The following MAPKAPK5 variants were observed in gnomAD, a reference collection of about 807,000 sequenced individuals.
The protein encoded by MAPKAPK5 is MAPK activated protein kinase 5, also known as MAP kinase-activated protein kinase 5.
MAPKAPK5 carries 30 observed loss-of-function variants against 65.1 expected under a neutral mutation model. That is an observed-to-expected ratio of 0.46 (90% CI 0.34 to 0.63). MAPKAPK5 has a LOEUF of 0.63. Ranked by LOEUF, MAPKAPK5 falls within the 20% of genes least tolerant of loss-of-function variation. MAPKAPK5 has a pLI of 0.01. For synonymous variants in MAPKAPK5, 179 were observed against 204.6 expected, an observed-to-expected ratio of 0.87 and a Z score of 1.07; for missense variants, 433 against 581.4, an observed-to-expected ratio of 0.74 and a Z score of 2.63.
chr12:111,857,888 T>TTA (rs2069295596), intron 1 of MAPKAPK5, among the ~76,000 whole-genome samples: 1 of 151,728 alleles, frequency 6.6e-6, no homozygotes, highest in East Asian at 1.9e-4. Flanking sequence ...AGTGTTTTTT[T>TTA]TTGTGTGTGT....
intron 9 of MAPKAPK5, among the ~76,000 whole-genome samples, chr12:111,884,065 C>T (rs1040857675): frequency 3.9e-5 from 6 of 152,200 alleles, no homozygotes; most frequent in Non-Finnish European, 8.8e-5. Context: ...ACCTGGTGTG[C>T]TGTCCTTCTT....
intron 1 of MAPKAPK5, among the ~76,000 whole-genome samples, chr12:111,856,439 T>G (rs1319849749): frequency 6.8e-6 from 1 of 146,206 alleles, no homozygotes; most frequent in Non-Finnish European, 1.5e-5. Context: ...GGAGTCTCAC[T>G]CTGTCTACCC....
chr12:111,901,542 C>T lies in MAPKAPK5; in HGVS notation c.*8481C>T, dbSNP rs1048373511. On this transcript the variant is annotated 3_prime_UTR_variant, in exon 14 of 14. Transcript: ENST00000550735. ...TATTTGATCTGCTTGCTTAAAAAAT[C>T]ACCAGAGGCTGCCCCGGCAGAAGCT... The T allele has an allele frequency of 2.0e-5, 7 of 349,340 alleles. No homozygotes were observed. In the East Asian group the frequency reaches 5.8e-4, roughly 29 times the overall value. 21.6% of individuals were successfully genotyped at this position (349,340 alleles called of 1,614,324 possible).
chr12:111,843,111 CATTTGCTTCCGGATGGTCT>C (rs2068780788), intron 1 of MAPKAPK5: 1 of 398,574 alleles, frequency 2.5e-6, no homozygotes, highest in Admixed American at 4.4e-5. Flanking sequence ...AGGCCGCCAG[CATTTGCTTCCGGATGGTCT>C]ACAGAACTTG....
In MAPKAPK5 at chr12:111,893,105, T is replaced by A. The variant is rs781151173; in HGVS notation, c.*44T>A. ...TTTTTTTAACAATTTGAAAAATTAT[T>A]CTTTAATGTATAAAGTAATTTTATG... On this transcript the variant is annotated 3_prime_UTR_variant, in exon 14 of 14. Coordinates refer to ENST00000550735, the MANE Select transcript of MAPKAPK5 (RefSeq NM_003668.4). 3.3e-5 allele frequency: 44 copies of A among 1,327,778 alleles called. No individual in the cohort carries two copies. The Middle Eastern group carries it at 5.5e-4, about 17-fold the overall frequency. 82.2% of individuals were successfully genotyped at this position (1,327,778 alleles called of 1,614,324 possible). A position where few individuals can be genotyped will look rare whatever the true frequency, so the allele number is the denominator to read the frequency against.
At chr12:111,850,023 T>G (rs2136069925) in intron 1 of MAPKAPK5, among the ~76,000 whole-genome samples, 1 of 147,638 alleles carries the variant, frequency 6.8e-6, no homozygotes, top group Non-Finnish European at 1.5e-5. Flanking sequence ...CACGACTGGT[T>G]GTGAAATATC....
chr12:111,862,187 C>A (rs2069462596), intron 1 of MAPKAPK5, among the ~76,000 whole-genome samples: 1 of 152,070 alleles, frequency 6.6e-6, no homozygotes, highest in African/African-American at 2.4e-5. Context: ...CTCAGTGAAG[C>A]CTTAGCTGGC....
In MAPKAPK5 at chr12:111,858,732, G is replaced by A. The variant is rs931187555; in HGVS notation, c.37-6518G>A. Among the ~76,000 whole-genome samples the A allele has an allele frequency of 7.5e-5, 11 of 146,124 alleles. 1 individual carries two copies. Among genetic ancestry groups the A allele is most frequent in the South Asian group, 6.8e-4 (3 of 4,398 alleles). ...TAATTTTTGTATTTTTAGTAGAGACGGGGTTTCACTGTGTTGGCCGGGCTG... is the reference window on the plus strand; with the variant it reads ...TAATTTTTGTATTTTTAGTAGAGACAGGGTTTCACTGTGTTGGCCGGGCTG... On this transcript the variant is annotated intron_variant, in intron 1 of 13. Coordinates refer to ENST00000550735, the MANE Select transcript of MAPKAPK5 (RefSeq NM_003668.4).
intron 1 of MAPKAPK5, among the ~76,000 whole-genome samples, chr12:111,844,890 G>A (rs1399587615): frequency 6.6e-6 from 1 of 152,186 alleles, no homozygotes; most frequent in African/African-American, 2.4e-5. Flanking sequence ...GGAAGAGCAA[G>A]GTGGCTGGAA....
chr12:111,889,965 G>A (rs546613800), intron 12 of MAPKAPK5, 75 bp from the exon 13 acceptor site: 18 of 888,378 alleles, frequency 2.0e-5, no homozygotes, highest in East Asian at 1.3e-4. Flanking sequence ...TGGACATCAC[G>A]TCCCTCCATC....
At chr12:111,872,181 A>G (rs1435232712) in intron 7 of MAPKAPK5, among the ~76,000 whole-genome samples, 1 of 152,118 alleles carries the variant, frequency 6.6e-6, no homozygotes, top group Non-Finnish European at 1.5e-5. Flanking sequence ...CCCCATGCCC[A>G]TATCTTTTTT....
At position 111,900,029 on chromosome 12, in the gene MAPKAPK5, C is replaced by G. The variant is rs2136184226; in HGVS notation, c.*6968C>G. On this transcript the variant is annotated 3_prime_UTR_variant, in exon 14 of 14. Coordinates refer to ENST00000550735, the MANE Select transcript of MAPKAPK5 (RefSeq NM_003668.4). Reference sequence around the variant, plus strand: ...GGGGCAGTAACGTCAATGAGACGGTCCAGACAGTAGTGGATGTCATTGCTC... The same window carrying G: ...GGGGCAGTAACGTCAATGAGACGGTGCAGACAGTAGTGGATGTCATTGCTC... 2.2e-6 allele frequency: 1 copy of G among 456,020 alleles called. No homozygotes were observed. Among genetic ancestry groups the G allele is most frequent in the Non-Finnish European group, 4.4e-6 (1 of 226,794 alleles). The allele number at this position is 456,020 out of a possible 1,614,324, so 28.2% of individuals were successfully genotyped here.
chr12:111,855,853 C>CTTTTTTTTTTTTTTTTTTT (rs144921229), intron 1 of MAPKAPK5, among the ~76,000 whole-genome samples: 3 of 135,746 alleles, frequency 2.2e-5, no homozygotes, highest in Non-Finnish European at 4.7e-5. Flanking sequence ...TGTTTAATTT[C>CTTTTTTTTTTTTTTTTTTT]TTTTTTTTTT....
At chr12:111,859,652 C>CTTTTCTTTT (rs1555269112) in intron 1 of MAPKAPK5, among the ~76,000 whole-genome samples, 1 of 106,132 alleles carries the variant, frequency 9.4e-6, no homozygotes. Context: ...CTTTGCTTTT[C>CTTTTCTTTT]TTTTTTTTTT....
At chr12:111,891,594 C>T (rs2070608898) in intron 13 of MAPKAPK5, among the ~76,000 whole-genome samples, 1 of 146,894 alleles carries the variant, frequency 6.8e-6, no homozygotes, top group South Asian at 2.2e-4. Flanking sequence ...GAGATCAAGA[C>T]CATCCTGGCT....
intron 1 of MAPKAPK5, chr12:111,843,284 TC>T: frequency 2.5e-6 from 1 of 398,648 alleles, no homozygotes; most frequent in Non-Finnish European, 4.4e-6. Flanking sequence ...CTCCCCTTTT[TC>T]TTTTTCCTCT....
Position 111,893,161 on chromosome 12 carries a change from A to G in MAPKAPK5, c.*100A>G, listed in dbSNP as rs1013134127. On this transcript the variant is annotated 3_prime_UTR_variant, in exon 14 of 14. Coordinates refer to ENST00000550735, the MANE Select transcript of MAPKAPK5 (RefSeq NM_003668.4). ...TAATAAATCATAATTTCATTTCCAC[A>G]TTGATTAAAGCTGCTGTATAGATTT... 7 of 852,364 alleles carry G rather than the reference A, an allele frequency of 8.2e-6. No individual in the cohort carries two copies. The highest frequency in any genetic ancestry group is 1.2e-5 in the Non-Finnish European group (7 of 571,020). The allele number at this position is 852,364 out of a possible 1,614,324, so 52.8% of individuals were successfully genotyped here.
chr12:111,887,509 C>T (rs1478445143), intron 10 of MAPKAPK5: 1 of 152,178 alleles, frequency 6.6e-6, no homozygotes, highest in Non-Finnish European at 1.5e-5. Context: ...CCCATCTCTA[C>T]TGAAAATACA....
chr12:111,876,348 C>T (rs531310387), intron 7 of MAPKAPK5, among the ~76,000 whole-genome samples: 4 of 151,708 alleles, frequency 2.6e-5, no homozygotes, highest in African/African-American at 9.7e-5. Flanking sequence ...TGGTATTATG[C>T]TTATATAAAA....
Sources: allele counts gnomAD v4.1 joint callset (sites outside exome capture counted in the v4.1 genomes callset), GRCh38; gene constraint gnomAD v4.1.1; transcripts MANE v1.5; gene names NCBI Gene and HGNC (gene_info 2026-07-23, HGNC 2026-07-21).